The following KCNN2 variants were observed in gnomAD, a reference collection of about 807,000 sequenced individuals.
The protein encoded by KCNN2 is potassium calcium-activated channel subfamily N member 2.
Under a neutral mutation model 55.5 loss-of-function variants are expected in KCNN2, and 24 were observed. The ratio of observed to expected loss-of-function variants is 0.43; its 90% CI spans 0.31 to 0.61. The LOEUF is 0.61. Ranked by LOEUF, KCNN2 falls within the 20% of genes least tolerant of loss-of-function variation. KCNN2 has a pLI of 0.08. For synonymous variants in KCNN2, 431 were observed against 336.1 expected, an observed-to-expected ratio of 1.28 and a Z score of -3.09; for missense variants, 754 against 853.6, an observed-to-expected ratio of 0.88 and a Z score of 1.45.
intron 2 of KCNN2, among the ~76,000 whole-genome samples, chr5:114,261,531 G>GC (rs550544019): frequency 6.7e-4 from 102 of 152,282 alleles, no homozygotes; most frequent in Non-Finnish European, 1.2e-3. Context: ...AAGGCAGAGG[G>GC]CCAGAACCTT....
chr5:114,106,352 G>A (rs1469782616), intron 1 of KCNN2, among the ~76,000 whole-genome samples: 1 of 151,288 alleles, frequency 6.6e-6, no homozygotes, highest in Admixed American at 6.6e-5. Flanking sequence ...CATTGCTATG[G>A]TATATATATC....
intron 2 of KCNN2, among the ~76,000 whole-genome samples, chr5:114,255,980 C>T (rs1754975687): frequency 6.6e-6 from 1 of 151,992 alleles, no homozygotes; most frequent in Non-Finnish European, 1.5e-5. Flanking sequence ...ACCCTAATTT[C>T]TCATCTCCCA....
At chr5:114,462,731 A>G (rs573056146) in intron 3 of KCNN2, among the ~76,000 whole-genome samples, 30 of 152,346 alleles carry the variant, frequency 2.0e-4, no homozygotes, top group Non-Finnish European at 4.0e-4. Flanking sequence ...CACATCAGCT[A>G]GGCAAGGAGT....
intron 1 of KCNN2, among the ~76,000 whole-genome samples, chr5:114,088,001 C>T (rs1370958521): frequency 6.6e-6 from 1 of 151,982 alleles, no homozygotes; most frequent in Non-Finnish European, 1.5e-5. Flanking sequence ...TTTGCAGATT[C>T]TATCTGATAT....
chr5:114,360,878 G>A (rs745588613), upstream of KCNN2: 3 of 152,338 alleles, frequency 2.0e-5, no homozygotes, highest in Admixed American at 2.0e-4. Flanking sequence ...GCTGCAGTTA[G>A]GACTTGGCAA....
chr5:114,114,186 C>T (rs879432186), intron 1 of KCNN2, among the ~76,000 whole-genome samples: 30 of 152,014 alleles, frequency 2.0e-4, no homozygotes, highest in Non-Finnish European at 3.7e-4. Flanking sequence ...TTGATGCAGA[C>T]TCTTCTTCTT....
At chr5:114,350,634 T>C (rs867605277) in intron 2 of KCNN2, among the ~76,000 whole-genome samples, 1 of 151,946 alleles carries the variant, frequency 6.6e-6, no homozygotes, top group African/African-American at 2.4e-5. Flanking sequence ...TTTGTTTGCA[T>C]TGTGTAAAGA....
chr5:114,385,519 GCACACACACACACACA>G (rs10548694), intron 2 of KCNN2, among the ~76,000 whole-genome samples: 2 of 143,354 alleles, frequency 1.4e-5, no homozygotes, highest in South Asian at 2.3e-4. Context: ...ACACATGCGC[GCACACACACACACACA>G]CACACACACA....
At chr5:114,347,856 C>T (rs1009184641) in intron 2 of KCNN2, among the ~76,000 whole-genome samples, 1 of 152,142 alleles carries the variant, frequency 6.6e-6, no homozygotes, top group Non-Finnish European at 1.5e-5. Context: ...CCTAGGTAAC[C>T]ATCCATGAGA....
chr5:114,255,417 A>G (rs561544767), intron 2 of KCNN2, among the ~76,000 whole-genome samples: 7 of 152,178 alleles, frequency 4.6e-5, no homozygotes, highest in African/African-American at 7.2e-5. Flanking sequence ...TAAGATAGCA[A>G]TGTAAACACA....
chr5:114,107,998 C>G (rs1272712109), intron 1 of KCNN2, among the ~76,000 whole-genome samples: 1 of 151,896 alleles, frequency 6.6e-6, no homozygotes. Flanking sequence ...TGTTTTTTAA[C>G]TTTGGTAGAT....
intron 2 of KCNN2, among the ~76,000 whole-genome samples, chr5:114,322,551 G>T (rs996005518): frequency 2.7e-5 from 4 of 147,168 alleles, no homozygotes; most frequent in African/African-American, 1.0e-4. Context: ...ATGCATACAT[G>T]TGCACATATG....
chr5:114,393,657 C>T (rs1371658626), intron 2 of KCNN2, among the ~76,000 whole-genome samples: 1 of 152,064 alleles, frequency 6.6e-6, no homozygotes, highest in Non-Finnish European at 1.5e-5. Context: ...AGTTCACCTT[C>T]CCTAAGTGAC....
chr5:114,210,001 C>T (rs1753848484), intron 1 of KCNN2, among the ~76,000 whole-genome samples: 1 of 152,106 alleles, frequency 6.6e-6, no homozygotes, highest in Admixed American at 6.5e-5. Context: ...TGAGTTGCCT[C>T]ATGTGCGTGT....
intron 2 of KCNN2, among the ~76,000 whole-genome samples, chr5:114,345,225 T>C (rs777783552): frequency 3.9e-5 from 6 of 152,108 alleles, no homozygotes; most frequent in Non-Finnish European, 8.8e-5. Flanking sequence ...GGTAAAAGAA[T>C]ACACTACTCT....
intron 2 of KCNN2, among the ~76,000 whole-genome samples, chr5:114,386,919 T>G (rs1197459639): frequency 6.6e-6 from 1 of 152,220 alleles, no homozygotes; most frequent in African/African-American, 2.4e-5. Context: ...CTTTCTACTG[T>G]CCTTACTTTC....
chr5:114,437,701 T>G (rs1760056927), intron 3 of KCNN2, among the ~76,000 whole-genome samples: 1 of 152,170 alleles, frequency 6.6e-6, no homozygotes, highest in Non-Finnish European at 1.5e-5. Flanking sequence ...AGTTTGAAAT[T>G]AAAGAACCAA....
chr5:114,158,781 C>T (rs1214624343), intron 1 of KCNN2, among the ~76,000 whole-genome samples: 38 of 151,930 alleles, frequency 2.5e-4, no homozygotes, highest in Non-Finnish European at 4.9e-4. Context: ...AATGGGAGTT[C>T]ACTCATGATT....
intron 2 of KCNN2, among the ~76,000 whole-genome samples, chr5:114,325,860 G>C (rs753581489): frequency 3.2e-4 from 48 of 152,284 alleles, no homozygotes; most frequent in Non-Finnish European, 6.3e-4. Flanking sequence ...TAAATTTCCA[G>C]GAGTACTTCT....
Sources: gnomAD v4.1 joint callset for allele counts (sites outside exome capture counted in the v4.1 genomes callset) on GRCh38, gnomAD v4.1.1 for gene constraint, MANE v1.5 for transcripts, NCBI Gene and HGNC (gene_info 2026-07-23, HGNC 2026-07-21) for gene names.